CFAP61: variants seen among roughly 807,000 people sequenced by gnomAD.
CFAP61 encodes the protein cilia- and flagella-associated protein 61.
In CFAP61, 107 loss-of-function variants were observed where a neutral mutation model predicts 135.6. That is an observed-to-expected ratio of 0.79 (90% confidence interval 0.67 to 0.93). CFAP61 has a LOEUF of 0.93. CFAP61 is among the 40% of genes least tolerant of loss of function. CFAP61 has a pLI of 0.00. For synonymous variants in CFAP61, 575 were observed against 578.5 expected, an observed-to-expected ratio of 0.99 and a Z score of 0.09; for missense variants, 1,507 against 1,556.2, an observed-to-expected ratio of 0.97 and a Z score of 0.53.
chr20:20,200,599 C>T, intron 17 of CFAP61: 1 of 561,390 alleles, frequency 1.8e-6, no homozygotes, highest in Non-Finnish European at 2.3e-6. Context: ...CTGATATGGG[C>T]TTGTAGTGTT....
At chr20:20,153,255 C>G (rs777648942) in intron 9 of CFAP61, among the ~76,000 whole-genome samples, 25 of 152,052 alleles carry the variant, frequency 1.6e-4, no homozygotes, top group Non-Finnish European at 3.5e-4. Flanking sequence ...CATTAAATGC[C>G]TACATCGAAA....
At chr20:20,190,264 A>G (rs1289912077) in intron 14 of CFAP61, among the ~76,000 whole-genome samples, 3 of 152,342 alleles carry the variant, frequency 2.0e-5, no homozygotes, top group Non-Finnish European at 1.5e-5. Context: ...GTCATGGAAT[A>G]CTACTCAGCA....
intron 25 of CFAP61, among the ~76,000 whole-genome samples, chr20:20,307,067 C>T (rs572801998): frequency 6.6e-6 from 1 of 152,158 alleles, no homozygotes; most frequent in Non-Finnish European, 1.5e-5. Context: ...ATCCATAGCC[C>T]CCGCCCTTGT....
chr20:20,355,885 T>C (rs1602172181), intron 26 of CFAP61, among the ~76,000 whole-genome samples: 1 of 124,118 alleles, frequency 8.1e-6, no homozygotes, highest in Non-Finnish European at 1.6e-5. Flanking sequence ...TGAGGGGAGG[T>C]GGTCACACTG....
At chr20:20,072,364 C>T (rs2146571224) in intron 3 of CFAP61, among the ~76,000 whole-genome samples, 1 of 152,084 alleles carries the variant, frequency 6.6e-6, no homozygotes, top group South Asian at 2.1e-4. Context: ...ATCCACCTGC[C>T]TCGGCCTCCC....
intron 3 of CFAP61, among the ~76,000 whole-genome samples, chr20:20,072,774 ATG>A (rs1355102270): frequency 2.6e-5 from 4 of 152,228 alleles, no homozygotes. Context: ...AGTATAAAAT[ATG>A]CCAGATTTCA....
chr20:20,250,473 T>A (rs2050798587), intron 19 of CFAP61, among the ~76,000 whole-genome samples: 1 of 152,058 alleles, frequency 6.6e-6, no homozygotes, highest in South Asian at 2.1e-4. Flanking sequence ...CTGCCAAGCA[T>A]AGAAGTGGCG....
chr20:20,132,272 A>G (rs1057249597), intron 8 of CFAP61, among the ~76,000 whole-genome samples: 1 of 152,134 alleles, frequency 6.6e-6, no homozygotes, highest in Non-Finnish European at 1.5e-5. Flanking sequence ...TTAAAAGCTG[A>G]ATAATAATAG....
intron 8 of CFAP61, among the ~76,000 whole-genome samples, chr20:20,134,576 G>A (rs969705470): frequency 2.6e-5 from 4 of 152,192 alleles, no homozygotes; most frequent in South Asian, 2.1e-4. Flanking sequence ...CCACTATGGC[G>A]TCCAGGAAGG....
intron 26 of CFAP61, among the ~76,000 whole-genome samples, chr20:20,348,558 C>T (rs2058713711): frequency 6.6e-6 from 1 of 151,762 alleles, no homozygotes; most frequent in African/African-American, 2.4e-5. Flanking sequence ...AGCATGGTAG[C>T]ACACACCTGT....
At chr20:20,177,902 C>CAGGT (rs1350906349) in intron 13 of CFAP61, among the ~76,000 whole-genome samples, 3 of 151,934 alleles carry the variant, frequency 2.0e-5, no homozygotes, top group Admixed American at 1.3e-4. Flanking sequence ...GGTGAGGGCA[C>CAGGT]AGGTCCTCCA....
intron 9 of CFAP61, among the ~76,000 whole-genome samples, chr20:20,151,731 G>A (rs6112790): frequency 0.13 from 19,298 of 151,406 alleles, 1,399 homozygotes; most frequent in Non-Finnish European, 0.15. Context: ...TCGGGAGGCC[G>A]TGGTGGGAGA....
intron 14 of CFAP61, among the ~76,000 whole-genome samples, chr20:20,189,439 G>C (rs993986150): frequency 6.8e-6 from 1 of 147,102 alleles, no homozygotes; most frequent in Non-Finnish European, 1.5e-5. Flanking sequence ...CTTTTCCACT[G>C]TGTTGAGATC....
At chr20:20,210,568 A>G (rs2047557915) in intron 17 of CFAP61, among the ~76,000 whole-genome samples, 1 of 152,226 alleles carries the variant, frequency 6.6e-6, no homozygotes, top group Non-Finnish European at 1.5e-5. Context: ...CAGAAATGAA[A>G]CACATCTGCT....
chr20:20,356,580 G>A (rs1183732784), intron 26 of CFAP61, among the ~76,000 whole-genome samples: 3 of 79,870 alleles, frequency 3.8e-5, no homozygotes, highest in African/African-American at 4.5e-5. Context: ...TGTGAGGGGA[G>A]GTGGTCACAC....
intron 25 of CFAP61, among the ~76,000 whole-genome samples, chr20:20,310,469 C>T (rs2424349): frequency 0.46 from 70,409 of 152,068 alleles, 17,321 homozygotes; most frequent in Middle Eastern, 0.58. Context: ...ATCTCCTCTT[C>T]CTCAGCCACA....
At chr20:20,125,692 AGTT>A (rs2050016393) in intron 8 of CFAP61, among the ~76,000 whole-genome samples, 1 of 151,698 alleles carries the variant, frequency 6.6e-6, no homozygotes, top group Non-Finnish European at 1.5e-5. Flanking sequence ...TGCATTCTGT[AGTT>A]GTTGGATGAA....
At chr20:20,337,354 G>GTGGATGGATGGA (rs1299070093) in intron 25 of CFAP61, among the ~76,000 whole-genome samples, 1 of 5,072 alleles carries the variant, frequency 2.0e-4, no homozygotes, top group African/African-American at 4.1e-4. Context: ...GGGTGGGTGG[G>GTGGATGGATGGA]TGGATGGATG....
intron 21 of CFAP61, among the ~76,000 whole-genome samples, chr20:20,276,079 C>A (rs568570940): frequency 6.6e-6 from 1 of 152,190 alleles, no homozygotes; most frequent in Non-Finnish European, 1.5e-5. Flanking sequence ...TGTTAGCTTC[C>A]AAGAAGCCAT....
Sources: gnomAD v4.1 joint callset for allele counts (sites outside exome capture counted in the v4.1 genomes callset) on GRCh38, gnomAD v4.1.1 for gene constraint, MANE v1.5 for transcripts, NCBI Gene and HGNC (gene_info 2026-07-23, HGNC 2026-07-21) for gene names.